The following ULK4 variants were observed in gnomAD, a reference collection of about 807,000 sequenced individuals.
ULK4 encodes the protein unc-51 like kinase 4, also known as inactive serine/threonine-protein kinase ULK4.
Under a neutral mutation model 160.6 loss-of-function variants are expected in ULK4, and 133 were observed. That is an observed-to-expected ratio of 0.83 (90% CI 0.72 to 0.96). ULK4 has a LOEUF of 0.96. Ranked by LOEUF, ULK4 falls within the 40% of genes least tolerant of loss-of-function variation. The probability of loss-of-function intolerance (pLI) is 0.00; values close to 1 mark genes in which losing one functional copy is unlikely to be tolerated. For missense variants in ULK4, 1,580 were observed against 1,499.5 expected (o/e 1.05, Z -0.89); for synonymous variants, 534 against 539.8 (o/e 0.99, Z 0.15).
chr3:41,451,819 G>A (rs767414782), intron 34 of ULK4, among the ~76,000 whole-genome samples: 1 of 152,118 alleles, frequency 6.6e-6, no homozygotes, highest in Non-Finnish European at 1.5e-5. Flanking sequence ...GTCGGATATT[G>A]GCAATTTTAT....
chr3:41,771,107 G>C (rs1041555842), intron 21 of ULK4, among the ~76,000 whole-genome samples: 1 of 152,228 alleles, frequency 6.6e-6, no homozygotes, highest in Non-Finnish European at 1.5e-5. Context: ...CTTACCATAA[G>C]AATAGCTCAC....
At chr3:41,256,256 G>A (rs1203703926) in intron 35 of ULK4, among the ~76,000 whole-genome samples, 1 of 152,180 alleles carries the variant, frequency 6.6e-6, no homozygotes, top group African/African-American at 2.4e-5. Context: ...AATTTGCAAT[G>A]GAAAGGCAAA....
chr3:41,657,262 C>T (rs1450251194), intron 30 of ULK4, among the ~76,000 whole-genome samples: 1 of 152,064 alleles, frequency 6.6e-6, no homozygotes, highest in African/African-American at 2.4e-5. Flanking sequence ...ACTAAGAATT[C>T]TATAAAATAA....
In ULK4 at chr3:41,284,109, C is replaced by T. The variant is rs76457588; in HGVS notation, c.3679-34535G>A. ...CAAATGGAAATACATCCCATGCTCA[C>T]GGATGGTGAGAATCCATCAATGTGT... On this transcript the variant is annotated intron_variant, in intron 35 of 36. Coordinates refer to ENST00000301831, the MANE Select transcript of ULK4 (RefSeq NM_017886.4). Among the ~76,000 whole-genome samples the T allele has an allele frequency of 2.2e-3, 331 of 152,206 alleles. 1 individual carries two copies. The highest frequency in any genetic ancestry group is 0.015 in the East Asian group (76 of 5,180).
chr3:41,482,008 T>G (rs989481044), intron 32 of ULK4, among the ~76,000 whole-genome samples: 3 of 152,108 alleles, frequency 2.0e-5, no homozygotes. Flanking sequence ...GTACCTAGGG[T>G]GGGTGCGTTC....
intron 32 of ULK4, among the ~76,000 whole-genome samples, chr3:41,519,250 G>A (rs2085848459): frequency 6.6e-6 from 1 of 152,172 alleles, no homozygotes; most frequent in Admixed American, 6.5e-5. Context: ...TTTGGAGCTT[G>A]TCACAGCAAG....
intron 35 of ULK4, among the ~76,000 whole-genome samples, chr3:41,279,767 T>C (rs1291413680): frequency 2.0e-5 from 3 of 152,038 alleles, no homozygotes; most frequent in Non-Finnish European, 4.4e-5. Context: ...GCTGAGAGAT[T>C]TTGTCACCAT....
chr3:41,859,348 C>T (rs2042443548), intron 17 of ULK4: 16 of 592,528 alleles, frequency 2.7e-5, no homozygotes, highest in South Asian at 2.1e-4. Flanking sequence ...ACATCTTCCT[C>T]CTCAAGGCCA....
rs975069971 is a variant in ULK4, at chr3:41,946,691, T to C, written c.138+7931A>G. Among the ~76,000 whole-genome samples, 4 of 152,332 alleles carry C rather than the reference T, an allele frequency of 2.6e-5. No homozygotes were observed. The East Asian group carries it at 5.8e-4, about 22-fold the overall frequency. ...TATCCACCCTTATATCCAGCATTTG[T>C]AGTGTGTGTCACAAGTTGTATTCTC... On this transcript the variant is annotated intron_variant, in intron 2 of 36. Transcript: ENST00000301831.
At chr3:41,622,510 C>T (rs1420990021) in intron 30 of ULK4, among the ~76,000 whole-genome samples, 2 of 151,260 alleles carry the variant, frequency 1.3e-5, no homozygotes, top group African/African-American at 2.5e-5. Flanking sequence ...AAACTAAACG[C>T]TGCATGTTCT....
At chr3:41,368,051 A>T (rs1301301985) in intron 35 of ULK4, among the ~76,000 whole-genome samples, 1 of 143,970 alleles carries the variant, frequency 6.9e-6, no homozygotes, top group Non-Finnish European at 1.5e-5. Flanking sequence ...TTGTGTCGCA[A>T]TTTTTTTTTT....
At position 41,390,578 on chromosome 3, in the gene ULK4, G is replaced by A. The variant is rs373457363; in HGVS notation, c.3678+7501C>T. 6.8e-4 allele frequency among the ~76,000 whole-genome samples: 103 copies of A among 152,016 alleles called. 1 individual carries two copies. Among genetic ancestry groups the A allele is most frequent in the African/African-American group, 2.2e-3 (92 of 41,474 alleles). Reference sequence around the variant, plus strand: ...TCTGGTATGTTGTGTCTTTGTTCTCGTTGGTTTCAAAGAACATCTTTATTT... The same window carrying A: ...TCTGGTATGTTGTGTCTTTGTTCTCATTGGTTTCAAAGAACATCTTTATTT... On this transcript the variant is annotated intron_variant, in intron 35 of 36. Transcript: ENST00000301831.
chr3:41,890,334 C>T (rs749795251), intron 16 of ULK4, among the ~76,000 whole-genome samples: 4 of 151,854 alleles, frequency 2.6e-5, no homozygotes, highest in Admixed American at 1.3e-4. Context: ...GTTTCAGGAA[C>T]AGAAAAAGGA....
chr3:41,619,707 A>G (rs1339198378), intron 30 of ULK4, among the ~76,000 whole-genome samples: 1 of 152,172 alleles, frequency 6.6e-6, no homozygotes, highest in Non-Finnish European at 1.5e-5. Context: ...ATTAAAAAAA[A>G]CTAGAGAAGC....
intron 16 of ULK4, among the ~76,000 whole-genome samples, chr3:41,885,724 C>T (rs1697697493): frequency 6.6e-6 from 1 of 151,904 alleles, no homozygotes; most frequent in Admixed American, 6.6e-5. Flanking sequence ...ACTCTGTCAC[C>T]CAAGCCAGAG....
chr3:41,490,700 A>G (rs2125906002), intron 32 of ULK4, among the ~76,000 whole-genome samples: 1 of 152,334 alleles, frequency 6.6e-6, no homozygotes, highest in East Asian at 1.9e-4. Flanking sequence ...ACCGAGCAAG[A>G]TGCTTCTTGA....
intron 22 of ULK4, among the ~76,000 whole-genome samples, chr3:41,730,625 A>G (rs1260632367): frequency 6.6e-6 from 1 of 152,180 alleles, no homozygotes; most frequent in Non-Finnish European, 1.5e-5. Context: ...AATCGATAAT[A>G]AAGTCTCCCA....
intron 34 of ULK4, among the ~76,000 whole-genome samples, chr3:41,441,618 T>C (rs2125857066): frequency 6.6e-6 from 1 of 152,218 alleles, no homozygotes; most frequent in Admixed American, 6.5e-5. Flanking sequence ...GTGCAAAATA[T>C]GGTATATCTT....
At chr3:41,499,863 A>G (rs1380981935) in intron 32 of ULK4, among the ~76,000 whole-genome samples, 2 of 152,182 alleles carry the variant, frequency 1.3e-5, no homozygotes, top group Admixed American at 1.3e-4. Context: ...GATGAATTAT[A>G]TTCACCTTGG....
Sources: gnomAD v4.1 joint callset for allele counts (sites outside exome capture counted in the v4.1 genomes callset) on GRCh38, gnomAD v4.1.1 for gene constraint, MANE v1.5 for transcripts, NCBI Gene and HGNC (gene_info 2026-07-23, HGNC 2026-07-21) for gene names.